The following KCNQ5 variants were observed in gnomAD, a reference collection of about 807,000 sequenced individuals.
The protein encoded by KCNQ5 is potassium voltage-gated channel subfamily Q member 5, also known as potassium voltage-gated channel subfamily KQT member 5.
In KCNQ5, 30 loss-of-function variants were observed where a neutral mutation model predicts 98.2. That is an observed-to-expected ratio of 0.31 (90% CI 0.23 to 0.41). KCNQ5 has a LOEUF of 0.41. Among genes scored for constraint, KCNQ5 ranks in the 10% least tolerant of loss-of-function variants. KCNQ5 has a pLI of 1.00. For synonymous variants in KCNQ5, 458 were observed against 449.4 expected (o/e 1.02, Z -0.24); for missense variants, 835 against 1,182.5 (o/e 0.71, Z 4.31).
At chr6:72,898,165 A>T (rs926364782) in intron 1 of KCNQ5, among the ~76,000 whole-genome samples, 10 of 151,744 alleles carry the variant, frequency 6.6e-5, no homozygotes, top group Non-Finnish European at 1.2e-4. Context: ...TTTTTTTTTT[A>T]ATTTTACTTT....
intron 3 of KCNQ5, among the ~76,000 whole-genome samples, chr6:73,059,381 A>G (rs1772674033): frequency 6.6e-6 from 1 of 152,166 alleles, no homozygotes; most frequent in Admixed American, 6.5e-5. Flanking sequence ...GGTCACAAAC[A>G]AGAGAACAAC....
intron 2 of KCNQ5, among the ~76,000 whole-genome samples, chr6:73,018,502 TTTTA>T: frequency 6.6e-6 from 1 of 152,234 alleles, no homozygotes; most frequent in East Asian, 1.9e-4. Flanking sequence ...GCAGTTTTTT[TTTTA>T]ATCTTGAGCT....
chr6:73,062,608 C>A (rs1361291457), intron 3 of KCNQ5, among the ~76,000 whole-genome samples: 1 of 152,128 alleles, frequency 6.6e-6, no homozygotes, highest in African/African-American at 2.4e-5. Flanking sequence ...TCAAGCAATG[C>A]AAGGTGAAAA....
At chr6:72,658,578 A>ATATATATATATATAT (rs1226386362) in intron 1 of KCNQ5, among the ~76,000 whole-genome samples, 8 of 76,372 alleles carry the variant, frequency 1.0e-4, no homozygotes, top group African/African-American at 2.6e-4. Context: ...ATATATATAT[A>ATATATATATATATAT]TTTTTTTTTT....
intron 1 of KCNQ5, among the ~76,000 whole-genome samples, chr6:72,690,792 T>G (rs1447150614): frequency 2.0e-5 from 3 of 152,050 alleles, no homozygotes; most frequent in Non-Finnish European, 4.4e-5. Flanking sequence ...TATGTGTTCT[T>G]TTGCAGTTTT....
intron 9 of KCNQ5, among the ~76,000 whole-genome samples, chr6:73,132,874 G>A (rs1776290336): frequency 6.6e-6 from 1 of 152,164 alleles, no homozygotes; most frequent in Non-Finnish European, 1.5e-5. Context: ...AGTGTTGTGT[G>A]TTTAATATTA....
chr6:72,682,359 T>C (rs1305863091), intron 1 of KCNQ5, among the ~76,000 whole-genome samples: 2 of 152,218 alleles, frequency 1.3e-5, no homozygotes, highest in Admixed American at 6.5e-5. Context: ...TTTCTGAAGG[T>C]ACTGGAAGTG....
intron 11 of KCNQ5, among the ~76,000 whole-genome samples, chr6:73,188,734 C>T (rs373028390): frequency 3.9e-5 from 6 of 152,078 alleles, no homozygotes; most frequent in African/African-American, 1.4e-4. Context: ...CCTGTAATCC[C>T]AGCATTTTGG....
At chr6:73,060,679 C>T (rs1158242940) in intron 3 of KCNQ5, among the ~76,000 whole-genome samples, 1 of 152,070 alleles carries the variant, frequency 6.6e-6, no homozygotes, top group Non-Finnish European at 1.5e-5. Context: ...TTATAAGGAG[C>T]TCTAGAAATC....
In KCNQ5 at chr6:73,042,052, C is replaced by T; in HGVS notation, c.606C>T (p.Phe202=). The T allele has an allele frequency of 6.2e-7, 1 of 1,613,828 alleles. No homozygotes were observed. Among genetic ancestry groups the T allele is most frequent in the Non-Finnish European group, 8.5e-7 (1 of 1,179,754 alleles). ...GACTGAGGTTTGCTCGAAAGCCCTT[C>T]TGTGTTATAGGTGAATATCAGAGTC... The part of the protein sequence containing the change: ...QGRLRFARKP[F]CVIDTIVLIA... The change falls in exon 3 of 14, where the codon TTC becomes TTT. Residue 202 remains phenylalanine (F), a synonymous_variant. Transcript: ENST00000370398.
At chr6:73,072,376 C>G (rs1323325790) in intron 3 of KCNQ5, among the ~76,000 whole-genome samples, 5 of 152,144 alleles carry the variant, frequency 3.3e-5, no homozygotes, top group Non-Finnish European at 7.4e-5. Flanking sequence ...CCATGTTATA[C>G]TTTCTAATAC....
At chr6:72,962,216 T>C (rs530151539) in intron 1 of KCNQ5, among the ~76,000 whole-genome samples, 255 of 133,092 alleles carry the variant, frequency 1.9e-3, no homozygotes, top group Middle Eastern at 4.2e-3. Flanking sequence ...TATATATATA[T>C]ACACACATAT....
intron 1 of KCNQ5, among the ~76,000 whole-genome samples, chr6:72,675,260 T>C (rs1731282911): frequency 1.3e-5 from 2 of 152,200 alleles, no homozygotes; most frequent in Admixed American, 1.3e-4. Context: ...GGCTTAGTAG[T>C]CATGAACATA....
chr6:73,034,199 T>C (rs569476672), intron 2 of KCNQ5, among the ~76,000 whole-genome samples: 1 of 152,330 alleles, frequency 6.6e-6, no homozygotes, highest in South Asian at 2.1e-4. Flanking sequence ...CATTTTATGA[T>C]GCAGTTTACA....
At chr6:73,175,269 G>A (rs948664230) in intron 11 of KCNQ5, among the ~76,000 whole-genome samples, 6 of 152,028 alleles carry the variant, frequency 3.9e-5, no homozygotes, top group East Asian at 1.9e-4. Flanking sequence ...TCCTGCCTCC[G>A]CCTCCTGAGT....
At chr6:72,853,405 G>T (rs1423597732) in intron 1 of KCNQ5, among the ~76,000 whole-genome samples, 1 of 152,014 alleles carries the variant, frequency 6.6e-6, no homozygotes, top group Non-Finnish European at 1.5e-5. Context: ...TTGCGGTGGT[G>T]CCATCGCAGC....
At chr6:72,670,623 GT>G (rs1338718383) in intron 1 of KCNQ5, among the ~76,000 whole-genome samples, 1 of 152,200 alleles carries the variant, frequency 6.6e-6, no homozygotes, top group African/African-American at 2.4e-5. Context: ...TTTTCTCACA[GT>G]TCTGGATGCT....
At chr6:73,006,170 A>T (rs1179258289) in intron 2 of KCNQ5, among the ~76,000 whole-genome samples, 1 of 152,184 alleles carries the variant, frequency 6.6e-6, no homozygotes, top group Non-Finnish European at 1.5e-5. Context: ...TAATGATTTA[A>T]GTAATGTCTC....
At chr6:72,842,275 C>T (rs939729180) in intron 1 of KCNQ5, among the ~76,000 whole-genome samples, 4 of 152,176 alleles carry the variant, frequency 2.6e-5, no homozygotes, top group Admixed American at 1.3e-4. Context: ...GTCCATTGCA[C>T]TTTGGCCCCT....
Sources: gnomAD v4.1 joint callset for allele counts (sites outside exome capture counted in the v4.1 genomes callset) on GRCh38, gnomAD v4.1.1 for gene constraint, MANE v1.5 for transcripts, NCBI Gene and HGNC (gene_info 2026-07-23, HGNC 2026-07-21) for gene names.